Variants in SAP130 observed in about 807,000 individuals in gnomAD.
SAP130 encodes Sin3A associated protein 130.
Under a neutral mutation model 103.2 loss-of-function variants are expected in SAP130, and 16 were observed. That is an observed-to-expected ratio of 0.16 (90% CI 0.10 to 0.24). The LOEUF is 0.24. Among genes scored for constraint, SAP130 ranks in the 10% least tolerant of loss-of-function variants. The probability of loss-of-function intolerance (pLI) is 1.00; values close to 1 mark genes in which losing one functional copy is unlikely to be tolerated. For synonymous variants in SAP130, 477 were observed against 497.0 expected, an observed-to-expected ratio of 0.96 and a Z score of 0.53; for missense variants, 990 against 1,359.7, an observed-to-expected ratio of 0.73 and a Z score of 4.28.
At chr2:128,017,251 G>A (rs1482728826) in intron 3 of SAP130, among the ~76,000 whole-genome samples, 2 of 152,178 alleles carry the variant, frequency 1.3e-5, no homozygotes, top group African/African-American at 2.4e-5. Context: ...GAACCTTGGA[G>A]GTGGAAGTTG....
rs574336600 is a variant in SAP130 at position 128,021,186 on chromosome 2, A to T, written c.113-3271T>A. Among the ~76,000 whole-genome samples, 150 of 151,224 alleles carry T rather than the reference A, an allele frequency of 9.9e-4. 1 individual carries two copies. The highest frequency in any genetic ancestry group is 3.3e-3 in the African/African-American group (138 of 41,254). Reference sequence around the variant, plus strand: ...TGATGTGGCCGGGCGTGGTGGCTCAAGCCTGTAATCCCAGCACTTTGGGAG... The same window carrying T: ...TGATGTGGCCGGGCGTGGTGGCTCATGCCTGTAATCCCAGCACTTTGGGAG... On this transcript the variant is annotated intron_variant, in intron 2 of 20. Coordinates refer to ENST00000643581, the MANE Select transcript of SAP130 (RefSeq NM_001330301.2).
In SAP130 at chr2:128,016,474, T is replaced by C. The variant is rs1349713035; in HGVS notation, c.422A>G (p.Lys141Arg). 6 of 1,613,944 alleles carry C rather than the reference T, an allele frequency of 3.7e-6. No homozygotes were observed. The highest frequency in any genetic ancestry group is 1.7e-5 in the Admixed American group (1 of 59,986). The part of the protein sequence containing the change: ...APPSTLSLPP[K>R]VPGQVTVTME... ...GGTAACGGTAACCTGCCCTGGAACC[T>C]TGGGGGGAAGTGACAGGGTAGAAGG... is the stretch of plus-strand genomic sequence containing the variant. The change falls in exon 4 of 21, where the codon AAG (lysine) becomes AGG (arginine). Residue 141 changes from lysine to arginine, a missense_variant. By Grantham distance (26) the Lys-to-Arg change is conservative. Coordinates refer to ENST00000643581, the MANE Select transcript of SAP130 (RefSeq NM_001330301.2).
chr2:127,999,419 T>C (rs559664015), intron 10 of SAP130, among the ~76,000 whole-genome samples: 67 of 152,086 alleles, frequency 4.4e-4, no homozygotes, highest in African/African-American at 1.5e-3. Context: ...CTGGCCAACG[T>C]AGCGAAACCC....
intron 15 of SAP130, among the ~76,000 whole-genome samples, chr2:127,969,025 C>A (rs180957688): frequency 7.9e-5 from 12 of 152,086 alleles, no homozygotes; most frequent in African/African-American, 2.9e-4. Context: ...TTATTGAAAA[C>A]GCTTACCAAT....
chr2:128,017,604 A>G, intron 3 of SAP130, 76 bp downstream of exon 3: 1 of 1,291,196 alleles, frequency 7.7e-7, no homozygotes, highest in Admixed American at 1.8e-5. Context: ...ACAGCCTAAG[A>G]TTTTATACAA....
At chr2:128,000,227 C>T (rs1235452908) in intron 8 of SAP130, 80 bp downstream of exon 8, 2 of 1,607,066 alleles carry the variant, frequency 1.2e-6, no homozygotes, top group Non-Finnish European at 1.7e-6. Flanking sequence ...CCTTCGGTAT[C>T]ACCAGGCCCT....
chr2:127,986,683 T>C lies in SAP130; in HGVS notation c.1958+102A>G. The C allele has an allele frequency of 7.8e-7, 1 of 1,275,562 alleles. No homozygotes were observed. The highest frequency in any genetic ancestry group is 1.1e-6 in the Non-Finnish European group (1 of 908,780). 79.0% of individuals were successfully genotyped at this position (1,275,562 alleles called of 1,614,324 possible). The stretch of plus-strand genomic sequence containing the variant: ...GGAAATTTTAACACACCACAGAAAA[T>C]GAGAGATGAGTTTGATACCAGCATT... On this transcript the variant is annotated intron_variant, in intron 14 of 20. Coordinates refer to ENST00000643581, the MANE Select transcript of SAP130 (RefSeq NM_001330301.2). The surrounding 1 kb of genome is among the most constrained non-coding windows in gnomAD (Gnocchi z 4.7).
chr2:127,999,285 C>T (rs189479113), intron 10 of SAP130, among the ~76,000 whole-genome samples: 16 of 152,232 alleles, frequency 1.1e-4, no homozygotes, highest in African/African-American at 3.9e-4. Context: ...TACGTCCAGT[C>T]ACCAGTATGT....
At position 128,017,668 on chromosome 2, in the gene SAP130, C is replaced by T. The variant is rs898609446; in HGVS notation, c.348+12G>A. ...CTCTGGTTCAGTGTGAAGTTTTAAC[C>T]CTCTCCATTACCTTCATAAGTCCCT... On this transcript the variant is annotated intron_variant, in intron 3 of 20. Coordinates refer to ENST00000643581, the MANE Select transcript of SAP130 (RefSeq NM_001330301.2). The T allele has an allele frequency of 6.2e-7, 1 of 1,610,626 alleles. No homozygotes were observed. The highest frequency in any genetic ancestry group is 1.7e-5 in the Admixed American group (1 of 60,006).
chr2:128,013,059 C>T lies in SAP130; in HGVS notation c.715G>A (p.Val239Ile), dbSNP rs751924106. 20 of 1,613,322 alleles carry T rather than the reference C, an allele frequency of 1.2e-5. No homozygotes were observed. In the South Asian group the frequency reaches 2.1e-4, roughly 17 times the overall value. ...LPNAATAQPA[V>I]QHIIHQPIQS... ...ATTGGTTGGTGAATGATGTGCTGTA[C>T]TGCTGGCTGAGCAGTAGCAGCATTT... is the stretch of plus-strand genomic sequence containing the variant. Residue 239 changes from valine to isoleucine, a missense_variant, in exon 6 of 21, where the codon GTA (valine) becomes ATA (isoleucine). Val to Ile is a conservative substitution (Grantham distance 29, BLOSUM62 3). Around this residue, in one of 6 missense-constraint regions of SAP130, gnomAD observed 336 missense variants for 520.1 expected, o/e 0.65. Coordinates refer to ENST00000643581, the MANE Select transcript of SAP130 (RefSeq NM_001330301.2).
At chr2:127,978,745 C>CT (rs2104927459) in intron 14 of SAP130, among the ~76,000 whole-genome samples, 1 of 152,246 alleles carries the variant, frequency 6.6e-6, no homozygotes, top group East Asian at 1.9e-4. Context: ...TTCAGAGCCA[C>CT]TAACATCTCA....
At position 128,010,203 on chromosome 2, in the gene SAP130, C is replaced by T. The variant is rs572237535; in HGVS notation, c.869+66G>A. The T allele has an allele frequency of 1.6e-5, 24 of 1,495,998 alleles. No individual in the cohort carries two copies. The East Asian group carries it at 2.6e-4, about 16-fold the overall frequency. The allele number at this position is 1,495,998 out of a possible 1,614,324, so 92.7% of individuals were successfully genotyped here. A position where few individuals can be genotyped will look rare whatever the true frequency, so the allele number is the denominator to read the frequency against. On this transcript the variant is annotated intron_variant, in intron 7 of 20. Coordinates refer to ENST00000643581, the MANE Select transcript of SAP130 (RefSeq NM_001330301.2). Reference sequence around the variant, plus strand: ...ATAAATATTTACTTAAATGAAGGAACGAAAGAAAAAAGAGTGAAGGAGGAG... The same window carrying T: ...ATAAATATTTACTTAAATGAAGGAATGAAAGAAAAAAGAGTGAAGGAGGAG...
At position 127,989,696 on chromosome 2, in the gene SAP130, T is replaced by A. The variant is rs149097480; in HGVS notation, c.1648A>T (p.Ile550Phe). 8.1e-6 allele frequency: 13 copies of A among 1,613,988 alleles called. No individual in the cohort carries two copies. The highest frequency in any genetic ancestry group is 4.0e-5 in the African/African-American group (3 of 74,904). ...ISTQGIQPAPIGTPGIQPAPL... is the reference protein window; with the variant it reads ...ISTQGIQPAPFGTPGIQPAPL... Reference sequence around the variant, plus strand: ...GCAGGCTGTATCCCTGGGGTCCCAATGGGGGCCGGCTGGATACCCTGGGTA... The same window carrying A: ...GCAGGCTGTATCCCTGGGGTCCCAAAGGGGGCCGGCTGGATACCCTGGGTA... The change falls in exon 13 of 21, where the codon ATT becomes TTT. Residue 550 changes from isoleucine (I) to phenylalanine (F), a missense_variant. Physicochemically the swap from Ile to Phe is conservative, Grantham distance 21. Coordinates refer to ENST00000643581, the MANE Select transcript of SAP130 (RefSeq NM_001330301.2). The surrounding 1 kb of genome is among the most constrained non-coding windows in gnomAD (Gnocchi z 4.6).
At chr2:127,966,104 A>G (rs1680635313) in intron 15 of SAP130, among the ~76,000 whole-genome samples, 2 of 152,154 alleles carry the variant, frequency 1.3e-5, no homozygotes. Flanking sequence ...GCACTTTGGG[A>G]GGCTGAGGCG....
rs112259609 is a variant in SAP130 at position 127,978,008 on chromosome 2, C to A, written c.2040G>T (p.Thr680=). 1.9e-6 allele frequency: 3 copies of A among 1,551,866 alleles called. No individual in the cohort carries two copies. In the African/African-American group the frequency reaches 4.1e-5, roughly 21 times the overall value. ...SPRVESSMRS[T]SGSPRPAGAK... ...ACCCTGCAGGCCTAGGTGACCCAGA[C>A]GTACTCCGCATAGAGCTTTCCACTC... Residue 680 remains threonine (T), a synonymous_variant, in exon 15 of 21, where the codon ACG becomes ACT. Transcript: ENST00000643581.
At chr2:127,983,846 TAAAC>T (rs1682165503) in intron 14 of SAP130, among the ~76,000 whole-genome samples, 4 of 54,310 alleles carry the variant, frequency 7.4e-5, no homozygotes, top group African/African-American at 2.0e-4. Flanking sequence ...TTTTTTTTTT[TAAAC>T]ATTTATCTAT....
intron 3 of SAP130, among the ~76,000 whole-genome samples, chr2:128,017,451 T>C (rs988618840): frequency 1.3e-5 from 2 of 152,042 alleles, no homozygotes; most frequent in African/African-American, 4.8e-5. Context: ...ATAATATCAG[T>C]ATCAAAATGG....
chr2:127,954,876 G>A, intron 16 of SAP130, 110 bp downstream of exon 16: 1 of 799,718 alleles, frequency 1.3e-6, no homozygotes, highest in African/African-American at 1.7e-5. Context: ...TCTAAAATGG[G>A]TTATCAGGGA....
At chr2:127,987,532 T>C (rs1268095748) in intron 13 of SAP130, among the ~76,000 whole-genome samples, 1 of 152,048 alleles carries the variant, frequency 6.6e-6, no homozygotes, top group Non-Finnish European at 1.5e-5. Context: ...TACTAATAAA[T>C]GAGATAAGGT....
Sources: gnomAD v4.1 joint callset for allele counts (sites outside exome capture counted in the v4.1 genomes callset) on GRCh38, gnomAD v4.1.1 for gene constraint, gnomAD v4.1.1 regional missense constraint, Gnocchi (gnomAD v3.1) non-coding constraint, MANE v1.5 for transcripts, NCBI Gene and HGNC (gene_info 2026-07-23, HGNC 2026-07-21) for gene names.